Variants in MPPED2 observed in about 807,000 individuals in gnomAD.
MPPED2 encodes the protein metallophosphoesterase domain containing 2.
A neutral mutation model predicts 33.0 loss-of-function variants in MPPED2; 5 were observed. That is an observed-to-expected ratio of 0.15 (90% CI 0.08 to 0.32). The LOEUF is 0.32. Among genes scored for constraint, MPPED2 ranks in the 10% least tolerant of loss-of-function variants. The pLI is 1.00. For missense variants in MPPED2, 275 were observed against 372.1 expected, an observed-to-expected ratio of 0.74 and a Z score of 2.15; for synonymous variants, 136 against 141.9, an observed-to-expected ratio of 0.96 and a Z score of 0.29.
chr11:30,560,497 CCCCTACTGAA>C (rs1342367896), intron 2 of MPPED2, among the ~76,000 whole-genome samples: 2 of 151,996 alleles, frequency 1.3e-5, no homozygotes, highest in Non-Finnish European at 1.5e-5. Flanking sequence ...TCCCATTTAC[CCCCTACTGAA>C]CCAATATCTT....
At chr11:30,387,702 ATCT>A (rs1370349578) in exon 7 of MPPED2, 2 of 152,178 alleles carry the variant, frequency 1.3e-5, no homozygotes, top group African/African-American at 4.8e-5. Context: ...GCATGATTCC[ATCT>A]TCTTTTTTTG....
intron 4 of MPPED2, among the ~76,000 whole-genome samples, chr11:30,485,733 A>G (rs1161100952): frequency 6.6e-6 from 1 of 152,172 alleles, no homozygotes; most frequent in Non-Finnish European, 1.5e-5. Flanking sequence ...GAACAGTTTC[A>G]ACAAAGCCTT....
intron 2 of MPPED2, among the ~76,000 whole-genome samples, chr11:30,546,465 CTG>C (rs769774804): frequency 8.5e-5 from 13 of 152,266 alleles, no homozygotes; most frequent in Non-Finnish European, 1.8e-4. Flanking sequence ...AGAACAAATT[CTG>C]TCTTTTCTTC....
At chr11:30,445,529 A>G (rs1481256286) in intron 4 of MPPED2, among the ~76,000 whole-genome samples, 1 of 152,136 alleles carries the variant, frequency 6.6e-6, no homozygotes, top group East Asian at 1.9e-4. Context: ...AAGTATACTC[A>G]CATTATTGTG....
At position 30,510,770 on chromosome 11, in the gene MPPED2, A is replaced by G. The variant is rs539985162; in HGVS notation, c.311-15249T>C. Among the ~76,000 whole-genome samples the G allele has an allele frequency of 5.3e-5, 8 of 152,310 alleles. 1 individual carries two copies. The South Asian group carries it at 1.7e-3, about 32-fold the overall frequency. ...GTTCTGACCGGAAACTGGAGATTAG[A>G]TACACTGGTTTAAAAAGAAGGTATT... is the stretch of plus-strand genomic sequence containing the variant. On this transcript the variant is annotated intron_variant, in intron 3 of 6. Transcript: ENST00000358117.
intron 3 of MPPED2, among the ~76,000 whole-genome samples, chr11:30,513,221 C>T (rs1186017025): frequency 6.6e-6 from 1 of 152,170 alleles, no homozygotes; most frequent in Non-Finnish European, 1.5e-5. Context: ...AGTCCAGAGA[C>T]AGGAGTCCTC....
chr11:30,483,369 G>C (rs1951578608), intron 4 of MPPED2, among the ~76,000 whole-genome samples: 1 of 152,130 alleles, frequency 6.6e-6, no homozygotes, highest in African/African-American at 2.4e-5. Flanking sequence ...ATTCTCAAGT[G>C]CTTTCTTATT....
intron 3 of MPPED2, among the ~76,000 whole-genome samples, chr11:30,533,103 G>A (rs1954617160): frequency 6.6e-6 from 1 of 152,158 alleles, no homozygotes; most frequent in Non-Finnish European, 1.5e-5. Flanking sequence ...CACAAGCCCT[G>A]TCATAATATC....
intron 4 of MPPED2, among the ~76,000 whole-genome samples, chr11:30,451,027 G>C (rs1428877958): frequency 6.6e-6 from 1 of 152,192 alleles, no homozygotes. Context: ...TGTATCATGA[G>C]ACATGAGAGC....
At chr11:30,529,215 T>G (rs1954372136) in intron 3 of MPPED2, among the ~76,000 whole-genome samples, 2 of 152,208 alleles carry the variant, frequency 1.3e-5, no homozygotes, top group African/African-American at 4.8e-5. Flanking sequence ...TGGGTGAAGA[T>G]TTCCTGCTAT....
At chr11:30,560,231 C>G (rs1196782904) in intron 2 of MPPED2, among the ~76,000 whole-genome samples, 1 of 151,708 alleles carries the variant, frequency 6.6e-6, no homozygotes, top group Non-Finnish European at 1.5e-5. Context: ...AGTCCTCTGT[C>G]TTAAGGATAC....
At chr11:30,462,172 T>A (rs184374712) in intron 4 of MPPED2, among the ~76,000 whole-genome samples, 99 of 152,380 alleles carry the variant, frequency 6.5e-4, no homozygotes, top group Middle Eastern at 6.8e-3. Flanking sequence ...ATTGAACACC[T>A]GTTCTTCATT....
chr11:30,538,566 C>T (rs778337468), intron 2 of MPPED2, among the ~76,000 whole-genome samples: 9 of 152,162 alleles, frequency 5.9e-5, no homozygotes, highest in Admixed American at 3.3e-4. Flanking sequence ...CACCTCCCAC[C>T]TCCTTCAGAG....
At chr11:30,437,527 C>T (rs1447016519) in intron 4 of MPPED2, among the ~76,000 whole-genome samples, 1 of 152,174 alleles carries the variant, frequency 6.6e-6, no homozygotes, top group East Asian at 1.9e-4. Context: ...AGAATAAAAA[C>T]CTGGCTTGTC....
At chr11:30,414,129 TAAAAAGTTTGA>T (rs887063406) in intron 6 of MPPED2, 88 bp downstream of exon 6, 1 of 789,106 alleles carries the variant, frequency 1.3e-6, no homozygotes, top group African/African-American at 1.7e-5. Flanking sequence ...GTCCCGCTGC[TAAAAAGTTTGA>T]AAACAACTAC....
intron 2 of MPPED2, among the ~76,000 whole-genome samples, chr11:30,574,005 A>T (rs1956815772): frequency 6.6e-6 from 1 of 152,234 alleles, no homozygotes; most frequent in Non-Finnish European, 1.5e-5. Context: ...AAAATTAAAA[A>T]GCGTATAAAG....
chr11:30,530,445 G>A (rs528630213), intron 3 of MPPED2, among the ~76,000 whole-genome samples: 6 of 152,324 alleles, frequency 3.9e-5, no homozygotes, highest in African/African-American at 1.4e-4. Flanking sequence ...GTAGGGCAGA[G>A]AAACAAGTAA....
intron 5 of MPPED2, 101 bp from the exon 6 acceptor site, chr11:30,414,442 A>G: frequency 1.3e-6 from 1 of 757,788 alleles, no homozygotes; most frequent in South Asian, 1.5e-5. Context: ...TTATTACATT[A>G]TCTGTAATCC....
intron 4 of MPPED2, 69 bp downstream of exon 4, chr11:30,495,227 A>C: frequency 9.3e-7 from 1 of 1,080,200 alleles, no homozygotes; most frequent in Admixed American, 1.8e-5. Flanking sequence ...AAAGCATCTA[A>C]ATCTGAGCTG....
Sources: allele counts gnomAD v4.1 joint callset (sites outside exome capture counted in the v4.1 genomes callset), GRCh38; gene constraint gnomAD v4.1.1; transcripts MANE v1.5; gene names NCBI Gene and HGNC (gene_info 2026-07-23, HGNC 2026-07-21).